PKP4: variants seen among roughly 807,000 people sequenced by gnomAD.
PKP4 encodes plakophilin 4, also known as plakophilin-4.
In PKP4, 90 loss-of-function variants were observed where a neutral mutation model predicts 145.1. That is an observed-to-expected ratio of 0.62 (90% CI 0.52 to 0.74). The LOEUF (loss-of-function observed/expected upper bound fraction) is 0.74. PKP4 is among the 30% of genes least tolerant of loss of function. The pLI is 0.00. For missense variants in PKP4, 1,340 were observed against 1,482.7 expected (o/e 0.90, Z 1.58); for synonymous variants, 563 against 577.2 (o/e 0.98, Z 0.35).
chr2:158,528,404 A>G (rs7585999), intron 1 of PKP4, among the ~76,000 whole-genome samples: 80,316 of 95,656 alleles, frequency 0.84, 34,205 homozygotes, highest in Middle Eastern at 0.92. Context: ...ACCAAACACC[A>G]CATATTCTCA....
At chr2:158,532,982 G>A (rs1216268917) in intron 1 of PKP4, among the ~76,000 whole-genome samples, 198 bp from the exon 2 acceptor site, 2 of 152,080 alleles carry the variant, frequency 1.3e-5, no homozygotes, top group Non-Finnish European at 2.9e-5. Flanking sequence ...AATCTAGAAT[G>A]TTTATTATTT....
intron 1 of PKP4, among the ~76,000 whole-genome samples, chr2:158,465,449 A>G (rs1387834735): frequency 2.0e-5 from 3 of 152,210 alleles, no homozygotes; most frequent in African/African-American, 7.2e-5. Flanking sequence ...TGAAATAATT[A>G]ATCATAATGA....
At chr2:158,502,224 T>G (rs1696688154) in intron 1 of PKP4, among the ~76,000 whole-genome samples, 1 of 152,172 alleles carries the variant, frequency 6.6e-6, no homozygotes, top group African/African-American at 2.4e-5. Flanking sequence ...CAATCATATT[T>G]TAGGAACTGT....
At chr2:158,566,588 A>G (rs995137516) in intron 2 of PKP4, among the ~76,000 whole-genome samples, 1 of 152,156 alleles carries the variant, frequency 6.6e-6, no homozygotes, top group Non-Finnish European at 1.5e-5. Flanking sequence ...TTACATTTTA[A>G]AGAAAATCTC....
intron 1 of PKP4, among the ~76,000 whole-genome samples, chr2:158,476,943 A>G (rs1418623801): frequency 6.6e-6 from 1 of 152,174 alleles, no homozygotes; most frequent in Admixed American, 6.5e-5. Context: ...TTACTCTATT[A>G]AATGCTCTTC....
intron 2 of PKP4, among the ~76,000 whole-genome samples, chr2:158,540,416 G>A (rs1346711527): frequency 1.3e-5 from 2 of 152,098 alleles, no homozygotes. Flanking sequence ...CTTAGATTAA[G>A]CTTGCTTTTA....
At chr2:158,590,378 CTTTT>C (rs60189310) in intron 3 of PKP4, among the ~76,000 whole-genome samples, 2 of 97,414 alleles carry the variant, frequency 2.1e-5, no homozygotes, top group Non-Finnish European at 2.2e-5. Flanking sequence ...TTCTTCTAGA[CTTTT>C]TTTTTTTTTT....
chr2:158,463,725 C>T (rs555562250), intron 1 of PKP4, among the ~76,000 whole-genome samples: 1 of 152,302 alleles, frequency 6.6e-6, no homozygotes, highest in African/African-American at 2.4e-5. Flanking sequence ...ACATTTTTTC[C>T]TCAGCAAGAA....
chr2:158,493,818 C>G (rs1695297486), intron 1 of PKP4, among the ~76,000 whole-genome samples: 1 of 152,180 alleles, frequency 6.6e-6, no homozygotes, highest in Non-Finnish European at 1.5e-5. Context: ...TCCTGCTAAT[C>G]TAGGTCTTAC....
In PKP4 at chr2:158,642,189, G is replaced by A. The variant is rs141899035; in HGVS notation, c.1696-297G>A. On this transcript the variant is annotated intron_variant, in intron 10 of 21. Coordinates refer to ENST00000389759, the MANE Select transcript of PKP4 (RefSeq NM_003628.6). ...GGCGTGTGCCTCAACACCCAGCTAA[G>A]TTTTCTCTATTTTTAGTAGAGACGG... Among the ~76,000 whole-genome samples, 30 of 152,210 alleles carry A rather than the reference G, an allele frequency of 2.0e-4. 3 individuals carry two copies. In the East Asian group the frequency reaches 5.4e-3, roughly 28 times the overall value.
At chr2:158,530,003 C>T (rs2043371637) in intron 1 of PKP4, among the ~76,000 whole-genome samples, 1 of 152,154 alleles carries the variant, frequency 6.6e-6, no homozygotes, top group Admixed American at 6.5e-5. Flanking sequence ...TTTCATTCAG[C>T]TGTTTACAGA....
chr2:158,459,513 A>G (rs1024326732), intron 1 of PKP4, among the ~76,000 whole-genome samples: 1 of 152,082 alleles, frequency 6.6e-6, no homozygotes, highest in Non-Finnish European at 1.5e-5. Context: ...AGAAACGTTT[A>G]TGTTTTGGTT....
intron 2 of PKP4, among the ~76,000 whole-genome samples, chr2:158,563,569 A>G (rs541024240): frequency 6.6e-6 from 1 of 152,198 alleles, no homozygotes; most frequent in South Asian, 2.1e-4. Context: ...ATGTAGATGT[A>G]TATATATATT....
chr2:158,582,333 A>G (rs1401867699), intron 3 of PKP4, among the ~76,000 whole-genome samples: 3 of 152,308 alleles, frequency 2.0e-5, no homozygotes, highest in East Asian at 1.9e-4. Context: ...TGAATATGCT[A>G]TAGTTACTTA....
At chr2:158,624,160 C>T (rs2052531221) in intron 6 of PKP4, among the ~76,000 whole-genome samples, 1 of 152,066 alleles carries the variant, frequency 6.6e-6, no homozygotes, top group Admixed American at 6.6e-5. Flanking sequence ...AAGCTAAGAA[C>T]TCATAGATCA....
intron 17 of PKP4, 55 bp downstream of exon 17, chr2:158,669,970 T>A: frequency 7.3e-7 from 1 of 1,364,462 alleles, no homozygotes; most frequent in Non-Finnish European, 1.0e-6. Flanking sequence ...GATTGTCCTG[T>A]GATGAGGCCT....
intron 1 of PKP4, among the ~76,000 whole-genome samples, chr2:158,532,295 TC>T (rs1362244035): frequency 5.3e-5 from 8 of 152,180 alleles, no homozygotes; most frequent in African/African-American, 1.9e-4. Context: ...CTCTCGGGCA[TC>T]TTAAGCCTTG....
chr2:158,599,247 C>G (rs1373956178), intron 3 of PKP4, among the ~76,000 whole-genome samples: 1 of 152,078 alleles, frequency 6.6e-6, no homozygotes, highest in Admixed American at 6.6e-5. Context: ...GAAAGAATGA[C>G]CCAGCCAAAA....
intron 11 of PKP4, among the ~76,000 whole-genome samples, chr2:158,651,343 A>G (rs1299476177): frequency 1.3e-5 from 2 of 151,914 alleles, no homozygotes; most frequent in South Asian, 2.1e-4. Context: ...TCTGGCTCCA[A>G]ATTCTCACTA....
Sources: gnomAD v4.1 joint callset for allele counts (sites outside exome capture counted in the v4.1 genomes callset) on GRCh38, gnomAD v4.1.1 for gene constraint, MANE v1.5 for transcripts, NCBI Gene and HGNC (gene_info 2026-07-23, HGNC 2026-07-21) for gene names.